The following PRTG variants were observed in gnomAD, a reference collection of about 807,000 sequenced individuals.
The protein encoded by PRTG is protogenin, also known as immunoglobulin superfamily, DCC subclass, member 5.
PRTG carries 67 observed loss-of-function variants against 122.5 expected under a neutral mutation model. That is an observed-to-expected ratio of 0.55 (90% CI 0.45 to 0.67). The LOEUF (loss-of-function observed/expected upper bound fraction) is 0.67, where lower values mean the gene tolerates loss of function less well. PRTG is among the 30% of genes least tolerant of loss of function. The pLI, the probability that PRTG is intolerant of heterozygous loss-of-function variation, is 0.00. For synonymous variants in PRTG, 554 were observed against 501.1 expected (o/e 1.11, Z -1.41); for missense variants, 1,435 against 1,415.4 (o/e 1.01, Z -0.22).
At chr15:55,659,324 C>T (rs553301179) in intron 11 of PRTG, among the ~76,000 whole-genome samples, 7 of 152,278 alleles carry the variant, frequency 4.6e-5, no homozygotes, top group South Asian at 2.1e-4. Context: ...GAAATAAGTA[C>T]TCGTATTTAG....
At position 55,620,169 on chromosome 15, in the gene PRTG, G is replaced by C; in HGVS notation, c.3296C>G (p.Thr1099Ser). ...EDSPSSPGQT[T>S]SFSRPFGVAA... ...AACACCAAAGGGTCTTGAGAAGCTG[G>C]TTGTCTGACCTGGGGAGCTAGGGGA... The change falls in exon 20 of 20, where the codon ACC becomes AGC. Residue 1099 changes from threonine (T) to serine (S), a missense_variant. By Grantham distance (58) the Thr-to-Ser change is moderately conservative. Transcript: ENST00000389286. 8.1e-6 allele frequency: 13 copies of C among 1,614,198 alleles called. No homozygotes were observed. Among genetic ancestry groups the C allele is most frequent in the Non-Finnish European group, 1.1e-5 (13 of 1,180,026 alleles).
chr15:55,645,206 C>T (rs1453150598), intron 11 of PRTG, among the ~76,000 whole-genome samples: 5 of 151,304 alleles, frequency 3.3e-5, no homozygotes, highest in South Asian at 2.1e-4. Flanking sequence ...GAGGCCGAGA[C>T]GGGCGGATCA....
intron 2 of PRTG, among the ~76,000 whole-genome samples, chr15:55,697,067 C>T (rs1034596983): frequency 2.6e-5 from 4 of 152,074 alleles, no homozygotes; most frequent in African/African-American, 7.2e-5. Flanking sequence ...ATATTTCATC[C>T]GCTTTGCTCT....
At chr15:55,628,329 T>C (rs1408049546) in intron 16 of PRTG, among the ~76,000 whole-genome samples, 1 of 150,500 alleles carries the variant, frequency 6.6e-6, no homozygotes, top group Non-Finnish European at 1.5e-5. Context: ...TGATGAGTAG[T>C]GTAAGGGTAG....
At chr15:55,682,549 TTTATTTA>T (rs1567097775) in intron 3 of PRTG, 52 bp from the exon 4 acceptor site, 43 of 409,820 alleles carry the variant, frequency 1.0e-4, no homozygotes, top group East Asian at 3.3e-4. Context: ...TCATATTTTA[TTTATTTA>T]TTTATTTATT....
intron 2 of PRTG, among the ~76,000 whole-genome samples, chr15:55,700,470 T>A (rs2059655787): frequency 6.6e-6 from 1 of 152,116 alleles, no homozygotes; most frequent in Non-Finnish European, 1.5e-5. Flanking sequence ...AAACTGGACT[T>A]CATCAAAATT....
At chr15:55,714,151 C>T (rs2030505382) in intron 2 of PRTG, among the ~76,000 whole-genome samples, 1 of 152,126 alleles carries the variant, frequency 6.6e-6, no homozygotes, top group African/African-American at 2.4e-5. Context: ...CATGAACTCA[C>T]TGTAACACCC....
intron 2 of PRTG, among the ~76,000 whole-genome samples, chr15:55,701,534 AAAAAC>A (rs375217288): frequency 2.2e-3 from 333 of 152,270 alleles, no homozygotes; most frequent in Non-Finnish European, 3.9e-3. Flanking sequence ...ACTCCATCTC[AAAAAC>A]AAAACAAAAC....
chr15:55,644,951 G>C (rs2059312314), intron 11 of PRTG, among the ~76,000 whole-genome samples: 1 of 152,054 alleles, frequency 6.6e-6, no homozygotes, highest in African/African-American at 2.4e-5. Flanking sequence ...AAAGTACCAG[G>C]TTAGGGGCAA....
At position 55,615,914 on chromosome 15, in the gene PRTG, G is replaced by A. The variant is rs1046214563; in HGVS notation, c.*4098C>T. 1 of 152,084 alleles carries A rather than the reference G, an allele frequency of 6.6e-6. No individual in the cohort carries two copies. Among genetic ancestry groups the A allele is most frequent in the African/African-American group, 2.4e-5 (1 of 41,424 alleles). 9.4% of individuals were successfully genotyped at this position (152,084 alleles called of 1,614,324 possible). On this transcript the variant is annotated 3_prime_UTR_variant, in exon 20 of 20. Coordinates refer to ENST00000389286, the MANE Select transcript of PRTG (RefSeq NM_173814.6). ...TTCAAAGGTGTCTGCATAAGAACTT[G>A]AACAATGATCCTGGGTTGTCAACCA...
chr15:55,666,767 A>G (rs980930259), intron 11 of PRTG, among the ~76,000 whole-genome samples: 14 of 152,150 alleles, frequency 9.2e-5, no homozygotes, highest in Non-Finnish European at 1.8e-4. Flanking sequence ...AACAACTAAC[A>G]TTTGTTGAGA....
At chr15:55,682,810 G>A (rs1356025800) in intron 3 of PRTG, among the ~76,000 whole-genome samples, 5 of 151,954 alleles carry the variant, frequency 3.3e-5, no homozygotes, top group African/African-American at 4.8e-5. Context: ...TGATCTGCCC[G>A]CCTCGGCCTC....
In PRTG at chr15:55,611,867, T is replaced by C. The variant is rs2059121786; in HGVS notation, c.*8145A>G. 1 of 152,126 alleles carries C rather than the reference T, an allele frequency of 6.6e-6. No individual in the cohort carries two copies. The highest frequency in any genetic ancestry group is 2.4e-5 in the African/African-American group (1 of 41,454). The allele number at this position is 152,126 out of a possible 1,614,324, so 9.4% of individuals were successfully genotyped here. ...TCCCCTGAGTCAAGTATAAAATTAA[T>C]ATAGCTCAGCTCTACAGTCCATTAG... is the stretch of plus-strand genomic sequence containing the variant. On this transcript the variant is annotated 3_prime_UTR_variant, in exon 20 of 20. Transcript: ENST00000389286.
At chr15:55,734,996 T>C (rs1329880641) in intron 2 of PRTG, among the ~76,000 whole-genome samples, 1 of 152,218 alleles carries the variant, frequency 6.6e-6, no homozygotes, top group Non-Finnish European at 1.5e-5. Flanking sequence ...CAACTGCAAA[T>C]ATTACTTAAA....
chr15:55,641,306 T>C, intron 11 of PRTG, 98 bp from the exon 12 acceptor site: 1 of 758,714 alleles, frequency 1.3e-6, no homozygotes, highest in South Asian at 1.8e-5. Flanking sequence ...AAAAACCTGC[T>C]GAATGCATAA....
intron 15 of PRTG, among the ~76,000 whole-genome samples, chr15:55,632,699 T>C (rs1019409511): frequency 2.0e-5 from 3 of 152,238 alleles, no homozygotes; most frequent in Non-Finnish European, 4.4e-5. Flanking sequence ...TGTCATTTCT[T>C]CCGCAGGAAC....
At chr15:55,726,229 T>C (rs2031026358) in intron 2 of PRTG, among the ~76,000 whole-genome samples, 1 of 152,100 alleles carries the variant, frequency 6.6e-6, no homozygotes. Flanking sequence ...TGTGGGCCAC[T>C]GCACCCAGCC....
chr15:55,638,454 T>C (rs1257351679), intron 14 of PRTG, 95 bp downstream of exon 14: 2 of 878,896 alleles, frequency 2.3e-6, no homozygotes, highest in Admixed American at 7.0e-5. Context: ...AGGTGGCAAC[T>C]AGGGTAGTAT....
chr15:55,695,125 A>AG (rs1217588305), intron 2 of PRTG, among the ~76,000 whole-genome samples: 1 of 152,190 alleles, frequency 6.6e-6, no homozygotes, highest in African/African-American at 2.4e-5. Context: ...ATTTATAGTC[A>AG]GAAAAAAAAA....
Sources: allele counts gnomAD v4.1 joint callset (sites outside exome capture counted in the v4.1 genomes callset), GRCh38; gene constraint gnomAD v4.1.1; transcripts MANE v1.5; gene names NCBI Gene and HGNC (gene_info 2026-07-23, HGNC 2026-07-21).